Variants in SMAD3 observed in about 807,000 individuals in gnomAD.
SMAD3 encodes SMAD family member 3, also known as MAD homolog 3.
Under a neutral mutation model 51.8 loss-of-function variants are expected in SMAD3, and 12 were observed. That is an observed-to-expected ratio of 0.23 (90% CI 0.15 to 0.38). The LOEUF (loss-of-function observed/expected upper bound fraction) is 0.38, where lower values mean the gene tolerates loss of function less well. Among genes scored for constraint, SMAD3 ranks in the 10% least tolerant of loss-of-function variants. SMAD3 has a pLI of 1.00. For missense variants in SMAD3, 294 were observed against 565.6 expected (o/e 0.52, Z 4.87); for synonymous variants, 238 against 227.7 (o/e 1.05, Z -0.41).
chr15:67,118,923 C>G (rs1961196244), intron 1 of SMAD3, among the ~76,000 whole-genome samples: 1 of 152,226 alleles, frequency 6.6e-6, no homozygotes, highest in African/African-American at 2.4e-5. Context: ...CAAGCAGGTG[C>G]TTGTTAACTG....
At chr15:67,100,547 T>C (rs1960730386) in intron 1 of SMAD3, among the ~76,000 whole-genome samples, 1 of 152,114 alleles carries the variant, frequency 6.6e-6, no homozygotes, top group South Asian at 2.1e-4. Context: ...AATGTATTAA[T>C]AAATGTATTA....
rs918964584 is a variant in SMAD3 at position 67,166,255 on chromosome 15, G to A, written c.533-524G>A. On this transcript the variant is annotated intron_variant, in intron 3 of 8. Coordinates refer to ENST00000327367, the MANE Select transcript of SMAD3 (RefSeq NM_005902.4). ...GGAGGGCTTCAGTCAGGGTCTGGGGGAGGTTTCAGAGAAATAGATCACACT... is the reference window on the plus strand; with the variant it reads ...GGAGGGCTTCAGTCAGGGTCTGGGGAAGGTTTCAGAGAAATAGATCACACT... 5 of 786,402 alleles carry A rather than the reference G, an allele frequency of 6.4e-6. No individual in the cohort carries two copies. In the Admixed American group the frequency reaches 1.5e-4, roughly 24 times the overall value. 48.7% of individuals were successfully genotyped at this position (786,402 alleles called of 1,614,324 possible).
chr15:67,115,918 AGGGT>A, intron 1 of SMAD3, among the ~76,000 whole-genome samples: 1 of 152,294 alleles, frequency 6.6e-6, no homozygotes, highest in South Asian at 2.1e-4. Context: ...CCAAGACCAA[AGGGT>A]GGGTAGGAGT....
At chr15:67,147,757 A>C (rs550860071) in intron 1 of SMAD3, among the ~76,000 whole-genome samples, 1 of 152,296 alleles carries the variant, frequency 6.6e-6, no homozygotes, top group East Asian at 1.9e-4. Flanking sequence ...TGAGGTCAGT[A>C]ATTCTGCAGC....
At chr15:67,098,642 G>GA in intron 1 of SMAD3, 1 of 537,188 alleles carries the variant, frequency 1.9e-6, no homozygotes, top group Non-Finnish European at 3.4e-6. Context: ...CGAGGGTGGG[G>GA]CCGCGTTTTT....
chr15:67,176,490 C>G lies in SMAD3; in HGVS notation c.659-4751C>G, dbSNP rs976701633. Among the ~76,000 whole-genome samples, 4 of 152,328 alleles carry G rather than the reference C, an allele frequency of 2.6e-5. No individual in the cohort carries two copies. The South Asian group carries it at 8.3e-4, about 32-fold the overall frequency. ...AGCAGCAGTGCTCCTGGCCTTTGCC[C>G]GTTCCTTGCTTTCGATTTATAGGAG... On this transcript the variant is annotated intron_variant, in intron 5 of 8. Transcript: ENST00000327367.
chr15:67,189,019 C>A lies in SMAD3; in HGVS notation c.1155-1394C>A, dbSNP rs775342853. ...GGTCAGACCTCAAAAGAACTTACAA[C>A]TATGTTATGGCCTGAAGAGATCAGC... On this transcript the variant is annotated intron_variant, in intron 8 of 8. Transcript: ENST00000327367. Among the ~76,000 whole-genome samples the A allele has an allele frequency of 8.3e-4, 127 of 152,200 alleles. 1 individual carries two copies. The highest frequency in any genetic ancestry group is 2.9e-4 in the Non-Finnish European group (20 of 68,044).
chr15:67,109,413 C>T lies in SMAD3; in HGVS notation c.206+43053C>T, dbSNP rs75789994. 7.3e-3 allele frequency among the ~76,000 whole-genome samples: 1,116 copies of T among 152,186 alleles called. 16 individuals carry two copies. Among genetic ancestry groups the T allele is most frequent in the African/African-American group, 0.026 (1,066 of 41,490 alleles). On this transcript the variant is annotated intron_variant, in intron 1 of 8. Coordinates refer to ENST00000327367, the MANE Select transcript of SMAD3 (RefSeq NM_005902.4). ...ATGGGTAGAAGGTCAGAGTGGACCT[C>T]GTGGCCTGAGAGGCTAGTACCCCAT... is the stretch of plus-strand genomic sequence containing the variant.
At chr15:67,070,286 G>C (rs926782890) in intron 1 of SMAD3, among the ~76,000 whole-genome samples, 2 of 152,124 alleles carry the variant, frequency 1.3e-5, no homozygotes, top group Admixed American at 1.3e-4. Flanking sequence ...GTTCCACGTA[G>C]GGCCTGAGAA....
At chr15:67,075,440 A>C (rs544754922) in intron 1 of SMAD3, among the ~76,000 whole-genome samples, 1 of 152,266 alleles carries the variant, frequency 6.6e-6, no homozygotes, top group South Asian at 2.1e-4. Context: ...GGGGAGCAGG[A>C]GAGGGGGAGG....
intron 1 of SMAD3, among the ~76,000 whole-genome samples, chr15:67,101,656 ACT>A (rs1746802435): frequency 6.6e-6 from 1 of 152,192 alleles, no homozygotes; most frequent in African/African-American, 2.4e-5. Flanking sequence ...GTTCAGTTAT[ACT>A]CTCAGTAACT....
At chr15:67,100,562 C>T (rs1218204283) in intron 1 of SMAD3, among the ~76,000 whole-genome samples, 3 of 151,632 alleles carry the variant, frequency 2.0e-5, no homozygotes, top group Non-Finnish European at 4.4e-5. Flanking sequence ...GTATTAATTA[C>T]AATATTAATA....
intron 1 of SMAD3, among the ~76,000 whole-genome samples, chr15:67,084,212 A>G (rs981898713): frequency 1.3e-5 from 2 of 150,706 alleles, no homozygotes; most frequent in African/African-American, 2.4e-5. Flanking sequence ...AGTAGCTGGC[A>G]CTACAGGCGT....
intron 1 of SMAD3, among the ~76,000 whole-genome samples, chr15:67,089,874 A>G (rs959311820): frequency 2.6e-5 from 4 of 152,202 alleles, no homozygotes; most frequent in Non-Finnish European, 5.9e-5. Context: ...GCCAGGCAGT[A>G]AGTGGGTAGC....
At chr15:67,167,548 C>G (rs1189005880) in intron 4 of SMAD3, among the ~76,000 whole-genome samples, 1 of 152,144 alleles carries the variant, frequency 6.6e-6, no homozygotes, top group African/African-American at 2.4e-5. Context: ...TTGATCACCT[C>G]AAGCAGTCAC....
intron 6 of SMAD3, among the ~76,000 whole-genome samples, chr15:67,182,815 T>C (rs577430383): frequency 6.6e-6 from 1 of 151,190 alleles, no homozygotes; most frequent in African/African-American, 2.4e-5. Flanking sequence ...ATACTTATTC[T>C]GGGTGGCATA....
At chr15:67,129,150 G>T (rs954125286) in intron 1 of SMAD3, among the ~76,000 whole-genome samples, 3 of 152,188 alleles carry the variant, frequency 2.0e-5, no homozygotes, top group African/African-American at 7.2e-5. Flanking sequence ...CCCCTGGGAA[G>T]TGATGTGCAC....
At chr15:67,107,182 A>C (rs1400419361) in intron 1 of SMAD3, among the ~76,000 whole-genome samples, 2 of 152,140 alleles carry the variant, frequency 1.3e-5, no homozygotes, top group East Asian at 3.8e-4. Context: ...TTAATGAGTC[A>C]TGCTTTAACT....
Position 67,190,839 on chromosome 15 carries a change from C to A in SMAD3, c.*303C>A, listed in dbSNP as rs917671015. The A allele has an allele frequency of 6.6e-6, 3 of 456,026 alleles. No homozygotes were observed. Among genetic ancestry groups the A allele is most frequent in the African/African-American group, 1.9e-5 (1 of 51,970 alleles). The allele number at this position is 456,026 out of a possible 1,614,324, so 28.2% of individuals were successfully genotyped here. ...GTATTACACCACCGGCCCCCTCCCC[C>A]CAGACTCTTTTTTTGAGTGACAGCT... On this transcript the variant is annotated 3_prime_UTR_variant, in exon 9 of 9. Transcript: ENST00000327367.
Sources: gnomAD v4.1 joint callset for allele counts (sites outside exome capture counted in the v4.1 genomes callset) on GRCh38, gnomAD v4.1.1 for gene constraint, MANE v1.5 for transcripts, NCBI Gene and HGNC (gene_info 2026-07-23, HGNC 2026-07-21) for gene names.